The following ABLIM3 variants were observed in gnomAD, a reference collection of about 807,000 sequenced individuals.
The protein encoded by ABLIM3 is actin binding LIM protein family member 3.
A neutral mutation model predicts 109.5 loss-of-function variants in ABLIM3; 61 were observed. The observed-to-expected ratio is 0.56, with a 90% confidence interval of 0.45 to 0.69. ABLIM3 has a LOEUF of 0.69. ABLIM3 is among the 30% of genes least tolerant of loss of function. The pLI is 0.00. For synonymous variants in ABLIM3, 300 were observed against 324.8 expected (o/e 0.92, Z 0.82); for missense variants, 796 against 889.5 (o/e 0.89, Z 1.34).
intron 15 of ABLIM3, chr5:149,243,455 G>T (rs1342137031): frequency 3.3e-5 from 5 of 152,250 alleles, no homozygotes; most frequent in Admixed American, 6.5e-5. Flanking sequence ...AACAAAAGGA[G>T]GCCCAGAATC....
At chr5:149,242,704 T>C in intron 15 of ABLIM3, 166 bp downstream of exon 15, 1 of 720,170 alleles carries the variant, frequency 1.4e-6, no homozygotes, top group Non-Finnish European at 2.4e-6. Flanking sequence ...GGGCAGAGTT[T>C]GGTATCATTT....
intron 9 of ABLIM3, among the ~76,000 whole-genome samples, chr5:149,232,218 A>G (rs1761935427): frequency 6.6e-6 from 1 of 152,238 alleles, no homozygotes; most frequent in Non-Finnish European, 1.5e-5. Flanking sequence ...AAGCAGGAGA[A>G]TCACTTGAAA....
At chr5:149,166,742 T>C (rs980287185) in intron 2 of ABLIM3, among the ~76,000 whole-genome samples, 5 of 152,234 alleles carry the variant, frequency 3.3e-5, no homozygotes, top group African/African-American at 9.6e-5. Flanking sequence ...TGGCAAACTT[T>C]CTCTGTAAAG....
intron 8 of ABLIM3, among the ~76,000 whole-genome samples, chr5:149,224,393 A>G (rs1760965304): frequency 6.6e-6 from 1 of 151,794 alleles, no homozygotes; most frequent in Non-Finnish European, 1.5e-5. Flanking sequence ...TCTCCCTCCA[A>G]CCTCTTTATT....
In ABLIM3 at chr5:149,230,724, A is replaced by G; in HGVS notation, c.816+17A>G. 1.9e-6 allele frequency: 3 copies of G among 1,613,858 alleles called. No homozygotes were observed. The South Asian group carries it at 3.3e-5, about 18-fold the overall frequency. On this transcript the variant is annotated intron_variant, in intron 9 of 23. Transcript: ENST00000309868. ...AAGTTAAAGGTAAGCAAGCTAGTAG[A>G]TTCCAGACCAGCACTCCTGCTTTGC...
At chr5:149,207,731 A>G (rs980764512) in intron 6 of ABLIM3, among the ~76,000 whole-genome samples, 1 of 152,174 alleles carries the variant, frequency 6.6e-6, no homozygotes, top group Non-Finnish European at 1.5e-5. Flanking sequence ...TCACTGCTAT[A>G]TCCCCTGCCC....
intron 8 of ABLIM3, 45 bp from the exon 9 acceptor site, chr5:149,230,604 A>G (rs748869252): frequency 1.2e-6 from 2 of 1,601,186 alleles, no homozygotes. Context: ...AGAGTGCTGG[A>G]GGGTTTGAAA....
rs764939764 is a variant in ABLIM3 at position 149,245,026 on chromosome 5, CA to C, written c.1486+12del. On this transcript the variant is annotated intron_variant, in intron 16 of 23. Transcript: ENST00000309868. ...ATGGGTCCCCCAAAGGTAGTACCCC[CA>C]TAGGAGCCTGGGTCCAGGGCCCTAA... is the stretch of plus-strand genomic sequence containing the variant. 5 of 1,614,170 alleles carry C rather than the reference CA, an allele frequency of 3.1e-6. No homozygotes were observed. The Admixed American group carries it at 8.3e-5, about 27-fold the overall frequency.
intron 13 of ABLIM3, chr5:149,240,350 G>A (rs747451673): frequency 5.6e-5 from 23 of 413,780 alleles, no homozygotes; most frequent in Non-Finnish European, 9.3e-5. Flanking sequence ...TTAAGGGAGC[G>A]TCCAAAAGGG....
intron 6 of ABLIM3, among the ~76,000 whole-genome samples, chr5:149,209,626 A>G (rs547968432): frequency 3.9e-5 from 6 of 152,250 alleles, no homozygotes; most frequent in Non-Finnish European, 8.8e-5. Context: ...TTGTTGGCTC[A>G]TCACATCCAC....
chr5:149,221,295 G>A (rs891956284), intron 8 of ABLIM3, among the ~76,000 whole-genome samples: 2 of 152,178 alleles, frequency 1.3e-5, no homozygotes, highest in African/African-American at 2.4e-5. Context: ...GAACATTAGA[G>A]GAGAGAGTGA....
intron 2 of ABLIM3, among the ~76,000 whole-genome samples, chr5:149,144,707 G>A (rs919029078): frequency 5.3e-5 from 8 of 152,180 alleles, no homozygotes; most frequent in Non-Finnish European, 1.2e-4. Context: ...TGTAGTTAAT[G>A]CTCAGTGGCT....
intron 5 of ABLIM3, among the ~76,000 whole-genome samples, chr5:149,202,393 A>G (rs1758577585): frequency 6.6e-6 from 1 of 152,228 alleles, no homozygotes. Context: ...CTCACAAAGT[A>G]AAGACATCAA....
At chr5:149,145,370 A>G (rs1017316514) in intron 2 of ABLIM3, among the ~76,000 whole-genome samples, 27 of 152,088 alleles carry the variant, frequency 1.8e-4, no homozygotes, top group African/African-American at 6.3e-4. Flanking sequence ...AATGTACTAC[A>G]TTTTCTTTAC....
intron 5 of ABLIM3, among the ~76,000 whole-genome samples, chr5:149,204,347 A>T (rs745363591): frequency 1.4e-4 from 22 of 152,264 alleles, no homozygotes; most frequent in African/African-American, 5.1e-4. Flanking sequence ...TCCTGATTCT[A>T]TTTATTACAC....
At chr5:149,185,329 T>A (rs1258361438) in intron 3 of ABLIM3, among the ~76,000 whole-genome samples, 1 of 152,142 alleles carries the variant, frequency 6.6e-6, no homozygotes, top group African/African-American at 2.4e-5. Flanking sequence ...CATCCTCCAA[T>A]GGGCTGGCTT....
At chr5:149,200,659 A>G (rs1383526891) in intron 5 of ABLIM3, 7 of 550,088 alleles carry the variant, frequency 1.3e-5, no homozygotes, top group East Asian at 3.0e-5. Context: ...GCCAGTGCCA[A>G]TATTTGCCAC....
chr5:149,146,617 A>T (rs1028064239), intron 2 of ABLIM3, among the ~76,000 whole-genome samples: 1 of 152,190 alleles, frequency 6.6e-6, no homozygotes, highest in Non-Finnish European at 1.5e-5. Flanking sequence ...CAAAGATCAG[A>T]TGGCTGTAGG....
chr5:149,190,336 T>C (rs1450463705), intron 3 of ABLIM3, among the ~76,000 whole-genome samples: 1 of 152,194 alleles, frequency 6.6e-6, no homozygotes. Context: ...GGTTGAATTG[T>C]ACATTTTAAA....
Sources: gnomAD v4.1 joint callset for allele counts (sites outside exome capture counted in the v4.1 genomes callset) on GRCh38, gnomAD v4.1.1 for gene constraint, MANE v1.5 for transcripts, NCBI Gene and HGNC (gene_info 2026-07-23, HGNC 2026-07-21) for gene names.